CSF3R: variants seen among roughly 807,000 people sequenced by gnomAD.
The protein encoded by CSF3R is granulocyte colony-stimulating factor receptor.
CSF3R carries 52 observed loss-of-function variants against 84.4 expected under a neutral mutation model. That is an observed-to-expected ratio of 0.62 (90% CI 0.49 to 0.78). The LOEUF is 0.78. Among genes scored for constraint, CSF3R ranks in the 30% least tolerant of loss-of-function variants. CSF3R has a pLI of 0.00. For missense variants in CSF3R, 890 were observed against 1,055.7 expected (o/e 0.84, Z 2.17); for synonymous variants, 384 against 429.1 (o/e 0.89, Z 1.30).
At chr1:36,469,413 G>C (rs780954559) in intron 11 of CSF3R, among the ~76,000 whole-genome samples, 156 bp from the exon 12 acceptor site, 61 of 152,190 alleles carry the variant, frequency 4.0e-4, no homozygotes, top group Non-Finnish European at 3.2e-4. Flanking sequence ...GAGAATTAGG[G>C]AAGAAAAGTG....
intron 2 of CSF3R, among the ~76,000 whole-genome samples, chr1:36,480,505 G>A (rs893344004): frequency 6.6e-6 from 1 of 152,220 alleles, no homozygotes; most frequent in Admixed American, 6.5e-5. Context: ...TCTACCACTT[G>A]GGTGGGTGTC....
rs772080147 is a variant in CSF3R, at chr1:36,472,643, A to T, written c.717T>A (p.Pro239=). The T allele has an allele frequency of 6.2e-7, 1 of 1,610,580 alleles. No homozygotes were observed. The highest frequency in any genetic ancestry group is 8.5e-7 in the Non-Finnish European group (1 of 1,178,070). ...PPMLRTMDPS[P]EAAPPQAGCL... ...AGCCTGCCTGGGGAGGGGCCGCTTC[A>T]GGGCTGGGGTCCATGGTCCGCAGCA... The change falls in exon 7 of 17, where the codon CCT becomes CCA. Residue 239 remains proline (P), a synonymous_variant. Transcript: ENST00000373106. This position sits in a 1 kb window ranked among gnomAD's most constrained non-coding sequence, Gnocchi z 5.0.
Position 36,471,038 on chromosome 1 carries a change from C to T in CSF3R, c.1285+395G>A, listed in dbSNP as rs188451775. Among the ~76,000 whole-genome samples, 232 of 151,870 alleles carry T rather than the reference C, an allele frequency of 1.5e-3. 1 individual carries two copies. Among genetic ancestry groups the T allele is most frequent in the African/African-American group, 5.3e-3 (221 of 41,332 alleles). Reference sequence around the variant, plus strand: ...CACACTGTTAGCAAGTGATAGGACTCGTTTTTTGTTTTTTTTTGTTTTTTT... The same window carrying T: ...CACACTGTTAGCAAGTGATAGGACTTGTTTTTTGTTTTTTTTTGTTTTTTT... On this transcript the variant is annotated intron_variant, in intron 10 of 16. Transcript: ENST00000373106.
chr1:36,467,225 C>T lies in CSF3R; in HGVS notation c.2040+5G>A. Reference sequence around the variant, plus strand: ...CTCATTTCCCTCTCCCTCCTGGATTCTCACCTCCTCCATGATTGTGGGCAC... The same window carrying T: ...CTCATTTCCCTCTCCCTCCTGGATTTTCACCTCCTCCATGATTGTGGGCAC... On this transcript the variant is annotated splice_donor_5th_base_variant and intron_variant, in intron 16 of 16. Transcript: ENST00000373106. The surrounding 1 kb of genome is among the most constrained non-coding windows in gnomAD (Gnocchi z 4.1). 6.2e-7 allele frequency: 1 copy of T among 1,614,118 alleles called. No individual in the cohort carries two copies.
rs201991840 is a variant in CSF3R, at chr1:36,472,324, G to A, written c.911C>T (p.Thr304Ile). The A allele has an allele frequency of 6.2e-7, 1 of 1,614,214 alleles. No individual in the cohort carries two copies. Among genetic ancestry groups the A allele is most frequent in the East Asian group, 2.2e-5 (1 of 44,880 alleles). ...CCAGCGGATGCAGCGTATCTGCAGGGTGTAGGCCGTGGCTGGGAGGAGCCC... is the reference window on the plus strand; with the variant it reads ...CCAGCGGATGCAGCGTATCTGCAGGATGTAGGCCGTGGCTGGGAGGAGCCC... Reference protein sequence around the residue: ...LCGLLPATAYTLQIRCIRWPL... With the variant: ...LCGLLPATAYILQIRCIRWPL... Residue 304 changes from threonine (T) to isoleucine (I), a missense_variant, in exon 8 of 17, where the codon ACC becomes ATC. Thr to Ile is a moderately conservative substitution (Grantham distance 89, BLOSUM62 -1). Coordinates refer to ENST00000373106, the MANE Select transcript of CSF3R (RefSeq NM_000760.4). The surrounding 1 kb of genome is among the most constrained non-coding windows in gnomAD (Gnocchi z 5.0).
In CSF3R at chr1:36,467,469, G is replaced by T; in HGVS notation, c.1958+89C>A. On this transcript the variant is annotated intron_variant, in intron 15 of 16. Transcript: ENST00000373106. The surrounding 1 kb of genome is among the most constrained non-coding windows in gnomAD (Gnocchi z 4.1). ...AGACATGGGCCCCAAAGTTTGGGAA[G>T]GCTGGAAGGGACTTAGATGGGCCCA... 6.9e-7 allele frequency: 1 copy of T among 1,459,664 alleles called. No individual in the cohort carries two copies. The highest frequency in any genetic ancestry group is 9.6e-7 in the Non-Finnish European group (1 of 1,042,010). 90.4% of individuals were successfully genotyped at this position (1,459,664 alleles called of 1,614,324 possible). A position where few individuals can be genotyped will look rare whatever the true frequency, so the allele number is the denominator to read the frequency against.
intron 1 of CSF3R, among the ~76,000 whole-genome samples, chr1:36,482,305 C>T (rs1234864088): frequency 1.5e-4 from 19 of 122,968 alleles, no homozygotes; most frequent in African/African-American, 2.6e-4. Flanking sequence ...AGAGAGTGGG[C>T]GGGGGGGGGG....
intron 3 of CSF3R, among the ~76,000 whole-genome samples, chr1:36,478,672 A>T (rs1651323900): frequency 6.6e-6 from 1 of 151,356 alleles, no homozygotes; most frequent in Non-Finnish European, 1.5e-5. Flanking sequence ...ACATGGCAAA[A>T]CTACATCTCT....
chr1:36,467,673 A>C lies in CSF3R; in HGVS notation c.1865-22T>G, dbSNP rs756149766. 2.5e-6 allele frequency: 4 copies of C among 1,613,790 alleles called. No homozygotes were observed. Among genetic ancestry groups the C allele is most frequent in the Non-Finnish European group, 3.4e-6 (4 of 1,179,666 alleles). ...CCCTCTGCAGTGAGGGCAGGGCCGGAAGAAGTTAGAATGCATGTTGGGAAG... is the reference window on the plus strand; with the variant it reads ...CCCTCTGCAGTGAGGGCAGGGCCGGCAGAAGTTAGAATGCATGTTGGGAAG... On this transcript the variant is annotated intron_variant, in intron 14 of 16. Coordinates refer to ENST00000373106, the MANE Select transcript of CSF3R (RefSeq NM_000760.4). This position sits in a 1 kb window ranked among gnomAD's most constrained non-coding sequence, Gnocchi z 4.1.
rs373513967 is a variant in CSF3R, at chr1:36,473,982, G to A, written c.362-95C>T. 3.2e-6 allele frequency: 5 copies of A among 1,580,710 alleles called. No individual in the cohort carries two copies. In the African/African-American group the frequency reaches 6.7e-5, roughly 21 times the overall value. On this transcript the variant is annotated intron_variant, in intron 4 of 16. Coordinates refer to ENST00000373106, the MANE Select transcript of CSF3R (RefSeq NM_000760.4). Reference sequence around the variant, plus strand: ...TGGCCCTGTTGCCTTGCCCTGGCTTGGTTCCTCTGTTGTCACCTTGTCTGT... The same window carrying A: ...TGGCCCTGTTGCCTTGCCCTGGCTTAGTTCCTCTGTTGTCACCTTGTCTGT...
chr1:36,472,225 A>G lies in CSF3R; in HGVS notation c.997+13T>C, dbSNP rs753406710. ...TACTGTTGGCTGCTCCCAGCCTCTCATCACCTCCTTACCCCGTTCGGTAGT... is the reference window on the plus strand; with the variant it reads ...TACTGTTGGCTGCTCCCAGCCTCTCGTCACCTCCTTACCCCGTTCGGTAGT... On this transcript the variant is annotated intron_variant, in intron 8 of 16. Coordinates refer to ENST00000373106, the MANE Select transcript of CSF3R (RefSeq NM_000760.4). The surrounding 1 kb of genome is among the most constrained non-coding windows in gnomAD (Gnocchi z 5.0). 3.1e-6 allele frequency: 5 copies of G among 1,614,042 alleles called. No homozygotes were observed. Among genetic ancestry groups the G allele is most frequent in the Admixed American group, 1.7e-5 (1 of 60,016 alleles).
Position 36,469,818 on chromosome 1 carries a change from A to C in CSF3R, c.1308T>G (p.His436Gln), listed in dbSNP as rs778098798. 1 of 1,614,092 alleles carries C rather than the reference A, an allele frequency of 6.2e-7. No individual in the cohort carries two copies. The highest frequency in any genetic ancestry group is 2.2e-5 in the East Asian group (1 of 44,880). ...GGCTGTGAGGGTCTCGGGCCATGGCATGGAGTCTGGTCAGAGCTGGGCCTG... is the reference window on the plus strand; with the variant it reads ...GGCTGTGAGGGTCTCGGGCCATGGCCTGGAGTCTGGTCAGAGCTGGGCCTG... ...ESRGPALTRL[H>Q]AMARDPHSLW... Residue 436 changes from histidine (H) to glutamine (Q), a missense_variant, in exon 11 of 17, where the codon CAT becomes CAG. By Grantham distance (24) the His-to-Gln change is conservative. Coordinates refer to ENST00000373106, the MANE Select transcript of CSF3R (RefSeq NM_000760.4).
At chr1:36,481,200 C>T (rs908106832) in intron 2 of CSF3R, among the ~76,000 whole-genome samples, 5 of 152,320 alleles carry the variant, frequency 3.3e-5, no homozygotes, top group Admixed American at 1.3e-4. Flanking sequence ...GCCTATGCCC[C>T]GTGCAGTACC....
At chr1:36,471,008 C>T (rs1650682916) in intron 10 of CSF3R, among the ~76,000 whole-genome samples, 1 of 152,122 alleles carries the variant, frequency 6.6e-6, no homozygotes, top group East Asian at 1.9e-4. Context: ...GTAACTTACT[C>T]AGGTCACACT....
In CSF3R at chr1:36,475,368, AG is replaced by A. The variant is rs1651064056; in HGVS notation, c.361+8del. 1 of 1,613,348 alleles carries A rather than the reference AG, an allele frequency of 6.2e-7. No individual in the cohort carries two copies. Among genetic ancestry groups the A allele is most frequent in the South Asian group, 1.1e-5 (1 of 91,044 alleles). ...GAGGCAGAGTAGTTGGATGGCTGGA[AG>A]GACTTACAGCCTGCGCGCAGCTCAA... is the stretch of plus-strand genomic sequence containing the variant. On this transcript the variant is annotated splice_region_variant and intron_variant, in intron 4 of 16. Transcript: ENST00000373106.
chr1:36,482,640 C>T (rs940628059), intron 1 of CSF3R, among the ~76,000 whole-genome samples, 171 bp downstream of exon 1: 39 of 152,124 alleles, frequency 2.6e-4, no homozygotes, highest in African/African-American at 9.4e-4. Flanking sequence ...GTAGGGGCAT[C>T]CTGTGAAAAG....
intron 3 of CSF3R, among the ~76,000 whole-genome samples, chr1:36,478,202 A>C (rs1221711105): frequency 6.6e-6 from 1 of 152,158 alleles, no homozygotes; most frequent in Admixed American, 6.5e-5. Flanking sequence ...ATTTTAAAAG[A>C]GTTAAAAACA....
Position 36,472,505 on chromosome 1 carries a change from C to T in CSF3R, c.843+12G>A. 6.2e-7 allele frequency: 1 copy of T among 1,614,154 alleles called. No individual in the cohort carries two copies. The highest frequency in any genetic ancestry group is 8.5e-7 in the Non-Finnish European group (1 of 1,180,014). ...CACCACCTCAGGCTCTCCAGGTTGCCCTCTGCCTCACCAGTGCCCAGCTGG... is the reference window on the plus strand; with the variant it reads ...CACCACCTCAGGCTCTCCAGGTTGCTCTCTGCCTCACCAGTGCCCAGCTGG... On this transcript the variant is annotated intron_variant, in intron 7 of 16. Transcript: ENST00000373106. This position sits in a 1 kb window ranked among gnomAD's most constrained non-coding sequence, Gnocchi z 5.0.
Position 36,472,006 on chromosome 1 carries a change from G to C in CSF3R, c.1071+60C>G. ...TTGGAGTCCTAAGCCCCGGTTTGTA[G>C]GGATCTGTTTGGACTGCGGGAGGTG... On this transcript the variant is annotated intron_variant, in intron 9 of 16. Transcript: ENST00000373106. The surrounding 1 kb of genome is among the most constrained non-coding windows in gnomAD (Gnocchi z 5.0). 6.5e-7 allele frequency: 1 copy of C among 1,544,782 alleles called. No individual in the cohort carries two copies. The highest frequency in any genetic ancestry group is 1.1e-5 in the South Asian group (1 of 89,378).
Sources: gnomAD v4.1 joint callset for allele counts (sites outside exome capture counted in the v4.1 genomes callset) on GRCh38, gnomAD v4.1.1 for gene constraint, Gnocchi (gnomAD v3.1) non-coding constraint, MANE v1.5 for transcripts, NCBI Gene and HGNC (gene_info 2026-07-23, HGNC 2026-07-21) for gene names.